LRBA: variants seen among roughly 807,000 people sequenced by gnomAD.
LRBA encodes the protein lipopolysaccharide-responsive and beige-like anchor protein.
In LRBA, 176 loss-of-function variants were observed where a neutral mutation model predicts 330.0. That is an observed-to-expected ratio of 0.53 (90% confidence interval 0.47 to 0.60). LRBA has a LOEUF of 0.60. LRBA is among the 20% of genes least tolerant of loss of function. The probability of loss-of-function intolerance (pLI) is 0.00; values close to 1 mark genes in which losing one functional copy is unlikely to be tolerated. For missense variants in LRBA, 3,259 were observed against 3,444.8 expected, an observed-to-expected ratio of 0.95 and a Z score of 1.35; for synonymous variants, 1,230 against 1,193.0, an observed-to-expected ratio of 1.03 and a Z score of -0.64.
chr4:150,653,831 T>C (rs1225923396), intron 37 of LRBA, among the ~76,000 whole-genome samples: 1 of 152,230 alleles, frequency 6.6e-6, no homozygotes, highest in East Asian at 1.9e-4. Flanking sequence ...GGGTCATAAC[T>C]GTATTTCAGC....
chr4:150,662,791 A>C (rs950408924), intron 37 of LRBA, among the ~76,000 whole-genome samples: 1 of 152,020 alleles, frequency 6.6e-6, no homozygotes, highest in African/African-American at 2.4e-5. Flanking sequence ...ACACAGCGAG[A>C]TTCTGTCTCT....
chr4:150,343,769 C>T (rs1378273323), intron 48 of LRBA, among the ~76,000 whole-genome samples: 7 of 152,136 alleles, frequency 4.6e-5, no homozygotes, highest in Non-Finnish European at 1.0e-4. Flanking sequence ...CAACTTTTTT[C>T]TACACCTATT....
intron 53 of LRBA, among the ~76,000 whole-genome samples, chr4:150,302,001 T>C (rs1729738222): frequency 6.6e-6 from 1 of 152,214 alleles, no homozygotes; most frequent in Non-Finnish European, 1.5e-5. Flanking sequence ...CTGTGTGCGA[T>C]TGGTTTTAAT....
At chr4:150,978,587 C>G (rs1256024989) in intron 2 of LRBA, among the ~76,000 whole-genome samples, 1 of 151,956 alleles carries the variant, frequency 6.6e-6, no homozygotes, top group Non-Finnish European at 1.5e-5. Context: ...CTTTTAGGCA[C>G]AGAATTCAAA....
chr4:150,342,616 G>A (rs1379671612), intron 48 of LRBA, among the ~76,000 whole-genome samples: 1 of 151,954 alleles, frequency 6.6e-6, no homozygotes, highest in East Asian at 1.9e-4. Flanking sequence ...CTCCTCTTAT[G>A]GTTATTATTT....
intron 2 of LRBA, among the ~76,000 whole-genome samples, chr4:151,011,961 G>A (rs2952818): frequency 0.096 from 14,574 of 152,060 alleles, 943 homozygotes; most frequent in South Asian, 0.29. Context: ...ATGAGCCACT[G>A]TGCGCAGCTG....
intron 9 of LRBA, 136 bp downstream of exon 9, chr4:150,914,059 C>T (rs1579186226): frequency 1.6e-6 from 1 of 606,364 alleles, no homozygotes; most frequent in East Asian, 2.7e-5. Context: ...CTATAGTCAC[C>T]CTGCTGTGGT....
intron 44 of LRBA, among the ~76,000 whole-genome samples, chr4:150,441,916 G>C (rs181927736): frequency 3.4e-4 from 52 of 152,232 alleles, no homozygotes; most frequent in African/African-American, 9.6e-4. Flanking sequence ...ACTTAGAAGA[G>C]TTCCTGGCAC....
intron 37 of LRBA, among the ~76,000 whole-genome samples, chr4:150,621,488 A>T (rs956124282): frequency 2.0e-5 from 3 of 152,188 alleles, no homozygotes; most frequent in African/African-American, 7.2e-5. Context: ...ACTAGTTAGA[A>T]CAGCACTAGT....
At chr4:150,408,053 G>A (rs1019455085) in intron 47 of LRBA, among the ~76,000 whole-genome samples, 1 of 151,482 alleles carries the variant, frequency 6.6e-6, no homozygotes, top group Non-Finnish European at 1.5e-5. Flanking sequence ...ATATTAGAGC[G>A]AAAACTCAAC....
Position 150,302,683 on chromosome 4 carries a change from T to C in LRBA, c.7959A>G (p.Ala2653=). ...CATTCCAATACCACAGCAAAAGAGT[T>C]GCATCACGTGACCCTGAGAGAATGT... The part of the protein sequence containing the change: ...NCYILSGSRD[A]TLLLWYWNGK... The change falls in exon 53 of 57, where the codon GCA becomes GCG. Residue 2653 remains alanine, a synonymous_variant. Coordinates refer to ENST00000651943, the MANE Select transcript of LRBA (RefSeq NM_001364905.1). 1 of 1,613,118 alleles carries C rather than the reference T, an allele frequency of 6.2e-7. No homozygotes were observed.
chr4:150,934,255 C>T (rs1365160932), intron 2 of LRBA, among the ~76,000 whole-genome samples: 1 of 152,164 alleles, frequency 6.6e-6, no homozygotes. Flanking sequence ...GCAATCAGAA[C>T]ACATACAAAA....
At chr4:150,506,283 A>T (rs548196093) in intron 40 of LRBA, among the ~76,000 whole-genome samples, 3 of 152,332 alleles carry the variant, frequency 2.0e-5, no homozygotes, top group African/African-American at 7.2e-5. Context: ...AAAAAAGAGA[A>T]TTTTAGACCA....
intron 2 of LRBA, among the ~76,000 whole-genome samples, chr4:151,003,250 A>G (rs1743599071): frequency 6.6e-6 from 1 of 151,836 alleles, no homozygotes; most frequent in South Asian, 2.1e-4. Flanking sequence ...CAAAAAAATT[A>G]GTCAGGCATG....
rs1317759411 is a variant in LRBA at position 150,448,832 on chromosome 4, G to C, written c.6781-11968C>G. 4.0e-5 allele frequency among the ~76,000 whole-genome samples: 4 copies of C among 100,942 alleles called. No individual in the cohort carries two copies. In the South Asian group the frequency reaches 1.4e-3, roughly 37 times the overall value. The allele number at this position is 100,942 out of a possible 152,430, so 66.2% of individuals were successfully genotyped here. A position where few individuals can be genotyped will look rare whatever the true frequency, so the allele number is the denominator to read the frequency against. On this transcript the variant is annotated intron_variant, in intron 44 of 56. Transcript: ENST00000651943. ...AAAAAAAAAAAAAAAAGGGGGGGGG[G>C]GTGGGCAGGAAAGAAGAATCTGCTA...
intron 30 of LRBA, among the ~76,000 whole-genome samples, chr4:150,827,629 C>T (rs990450557): frequency 4.1e-5 from 6 of 144,672 alleles, no homozygotes; most frequent in Non-Finnish European, 9.0e-5. Flanking sequence ...GACAGAGTTT[C>T]GCTCTTCTTG....
Position 150,671,064 on chromosome 4 carries a change from CAGAG to C in LRBA, c.5921+12483_5921+12486del, listed in dbSNP as rs112359871. Among the ~76,000 whole-genome samples, 194 of 113,080 alleles carry C rather than the reference CAGAG, an allele frequency of 1.7e-3. 4 individuals carry two copies. The highest frequency in any genetic ancestry group is 6.2e-3 in the African/African-American group (184 of 29,566). The allele number at this position is 113,080 out of a possible 152,430, so 74.2% of individuals were successfully genotyped here. A position where few individuals can be genotyped will look rare whatever the true frequency, so the allele number is the denominator to read the frequency against. ...TGTGAGAGAGAGAGAGAGAGAGAGACAGAGAGAGAGATTAGGTTCTAAGAGTCCA... is the reference window on the plus strand; with the variant it reads ...TGTGAGAGAGAGAGAGAGAGAGAGACAGAGAGATTAGGTTCTAAGAGTCCA... On this transcript the variant is annotated intron_variant, in intron 37 of 56. Transcript: ENST00000651943.
rs1030604018 is a variant in LRBA, at chr4:150,749,776, G to GA, written c.5645+12006dup. ...CAAAAACAAAACAAACAAATAAGCAGAAAAAAAAAACCCTGTAAGTTATAT... is the reference window on the plus strand; with the variant it reads ...CAAAAACAAAACAAACAAATAAGCAGAAAAAAAAAAACCCTGTAAGTTATAT... On this transcript the variant is annotated intron_variant, in intron 35 of 56. Transcript: ENST00000651943. Among the ~76,000 whole-genome samples, 731 of 145,528 alleles carry GA rather than the reference G, an allele frequency of 5.0e-3. 4 individuals carry two copies. Among genetic ancestry groups the GA allele is most frequent in the African/African-American group, 0.017 (679 of 39,756 alleles).
At chr4:150,404,329 G>C (rs1745892436) in intron 47 of LRBA, among the ~76,000 whole-genome samples, 1 of 152,166 alleles carries the variant, frequency 6.6e-6, no homozygotes, top group African/African-American at 2.4e-5. Context: ...AGAATATATA[G>C]GGGTGTTTCT....
Sources: gnomAD v4.1 joint callset for allele counts (sites outside exome capture counted in the v4.1 genomes callset) on GRCh38, gnomAD v4.1.1 for gene constraint, MANE v1.5 for transcripts, NCBI Gene and HGNC (gene_info 2026-07-23, HGNC 2026-07-21) for gene names.